The following COL14A1 variants were observed in gnomAD, a reference collection of about 807,000 sequenced individuals.
COL14A1 encodes collagen alpha-1(XIV) chain.
In COL14A1, 136 loss-of-function variants were observed where a neutral mutation model predicts 230.3. The observed-to-expected ratio is 0.59, with a 90% confidence interval of 0.51 to 0.68. The LOEUF (loss-of-function observed/expected upper bound fraction) is 0.68. Among genes scored for constraint, COL14A1 ranks in the 30% least tolerant of loss-of-function variants. COL14A1 has a pLI of 0.00. For synonymous variants in COL14A1, 792 were observed against 784.1 expected, an observed-to-expected ratio of 1.01 and a Z score of -0.17; for missense variants, 1,976 against 2,215.8, an observed-to-expected ratio of 0.89 and a Z score of 2.17.
At chr8:120,136,246 T>C (rs937433285) in intron 1 of COL14A1, among the ~76,000 whole-genome samples, 1 of 152,186 alleles carries the variant, frequency 6.6e-6, no homozygotes, top group Non-Finnish European at 1.5e-5. Context: ...GGAGTTTTCA[T>C]TGATGCCCTT....
intron 1 of COL14A1, among the ~76,000 whole-genome samples, chr8:120,126,182 G>A (rs1350256828): frequency 1.3e-5 from 2 of 152,214 alleles, no homozygotes; most frequent in South Asian, 2.1e-4. Flanking sequence ...GGGCGGATAG[G>A]CATCCGGGGC....
chr8:120,193,882 C>T (rs1408841738), intron 5 of COL14A1, among the ~76,000 whole-genome samples: 3 of 152,258 alleles, frequency 2.0e-5, no homozygotes, highest in African/African-American at 4.8e-5. Context: ...CCTGTAGCAC[C>T]GTTTTTTAAG....
intron 23 of COL14A1, among the ~76,000 whole-genome samples, chr8:120,261,141 G>T (rs1171645825): frequency 6.6e-6 from 1 of 152,154 alleles, no homozygotes; most frequent in Non-Finnish European, 1.5e-5. Context: ...TGTTTGAAGT[G>T]ATGGATATTC....
chr8:120,205,389 C>T (rs1309343193), intron 9 of COL14A1, among the ~76,000 whole-genome samples: 2 of 152,092 alleles, frequency 1.3e-5, no homozygotes, highest in Non-Finnish European at 2.9e-5. Context: ...TCTTCTTATG[C>T]TTGTCTTTGA....
intron 4 of COL14A1, among the ~76,000 whole-genome samples, chr8:120,164,934 G>A (rs889190531): frequency 2.6e-5 from 4 of 152,200 alleles, no homozygotes; most frequent in South Asian, 2.1e-4. Flanking sequence ...GAAACACAGA[G>A]AGTCATATAA....
At chr8:120,312,822 C>T (rs1180261524) in intron 37 of COL14A1, among the ~76,000 whole-genome samples, 1 of 152,114 alleles carries the variant, frequency 6.6e-6, no homozygotes, top group East Asian at 1.9e-4. Flanking sequence ...ATTCTTTGTC[C>T]CATGTAACGT....
rs73705069 is a variant in COL14A1 at position 120,354,471 on chromosome 8, A to G, written c.5077+8908A>G. ...CCCATCTTTGTCAGAGAAATGGCAA[A>G]GAATATGCATTTTTAGAGAGCAGAA... On this transcript the variant is annotated intron_variant, in intron 45 of 47. Transcript: ENST00000297848. Among the ~76,000 whole-genome samples the G allele has an allele frequency of 5.1e-3, 774 of 152,128 alleles. 5 individuals carry two copies. Among genetic ancestry groups the G allele is most frequent in the African/African-American group, 0.018 (734 of 41,506 alleles).
At chr8:120,244,944 C>T (rs1447713592) in intron 20 of COL14A1, among the ~76,000 whole-genome samples, 2 of 152,162 alleles carry the variant, frequency 1.3e-5, no homozygotes, top group African/African-American at 4.8e-5. Context: ...CAACCTACCA[C>T]CTGGATCCTG....
At chr8:120,133,013 C>A (rs74677971) in intron 1 of COL14A1, among the ~76,000 whole-genome samples, 1 of 152,016 alleles carries the variant, frequency 6.6e-6, no homozygotes, top group South Asian at 2.1e-4. Flanking sequence ...GTCAGGAGAT[C>A]GAGACCATCC....
At chr8:120,323,755 T>C (rs1821552495) in intron 40 of COL14A1, among the ~76,000 whole-genome samples, 1 of 152,196 alleles carries the variant, frequency 6.6e-6, no homozygotes, top group African/African-American at 2.4e-5. Context: ...CTGAGTTCTC[T>C]CTTCTGCTCC....
intron 43 of COL14A1, 134 bp downstream of exon 43, chr8:120,341,494 CCAATT>C: frequency 1.0e-6 from 1 of 983,834 alleles, no homozygotes; most frequent in South Asian, 1.7e-5. Flanking sequence ...CTCCCTTTCC[CCAATT>C]CATTAGACTG....
chr8:120,334,349 T>C (rs1306997037), intron 42 of COL14A1, among the ~76,000 whole-genome samples: 1 of 150,744 alleles, frequency 6.6e-6, no homozygotes, highest in Non-Finnish European at 1.5e-5. Flanking sequence ...GTAATCACTT[T>C]ATACAGCTGT....
At chr8:120,257,695 G>T (rs770398108) in intron 23 of COL14A1, among the ~76,000 whole-genome samples, 11 of 152,052 alleles carry the variant, frequency 7.2e-5, no homozygotes, top group African/African-American at 2.7e-4. Flanking sequence ...CTACATATGC[G>T]GTCTCTGCAG....
chr8:120,155,658 A>G (rs1018604391), intron 2 of COL14A1, among the ~76,000 whole-genome samples: 4 of 152,174 alleles, frequency 2.6e-5, no homozygotes, highest in Admixed American at 1.3e-4. Context: ...TTCTTTCAGC[A>G]GCTCATTCAT....
At chr8:120,328,491 C>T (rs1303611394) in intron 40 of COL14A1, among the ~76,000 whole-genome samples, 1 of 151,980 alleles carries the variant, frequency 6.6e-6, no homozygotes, top group Non-Finnish European at 1.5e-5. Flanking sequence ...CTCAGCCTCC[C>T]AACATGCTGG....
intron 5 of COL14A1, among the ~76,000 whole-genome samples, chr8:120,187,840 C>T (rs751777757): frequency 5.2e-4 from 79 of 152,158 alleles, no homozygotes; most frequent in Non-Finnish European, 7.2e-4. Flanking sequence ...TCTAGATTTA[C>T]GTAACATAGA....
Position 120,212,493 on chromosome 8 carries a change from T to C in COL14A1, c.1513T>C (p.Leu505=). The change falls in exon 13 of 48, where the codon TTG becomes CTG. Residue 505 remains leucine, a synonymous_variant. Coordinates refer to ENST00000297848, the MANE Select transcript of COL14A1 (RefSeq NM_021110.4). ...THTDIELSGL[L]PNTEYTVTVY... ...CACAGATATTGAATTGAGTGGGTTGTTGCCCAATACAGAATACACAGTCAC... is the reference window on the plus strand; with the variant it reads ...CACAGATATTGAATTGAGTGGGTTGCTGCCCAATACAGAATACACAGTCAC... 6.2e-7 allele frequency: 1 copy of C among 1,613,504 alleles called. No homozygotes were observed. Among genetic ancestry groups the C allele is most frequent in the East Asian group, 2.2e-5 (1 of 44,854 alleles).
intron 41 of COL14A1, among the ~76,000 whole-genome samples, 185 bp from the exon 42 acceptor site, chr8:120,332,479 T>C (rs1433028020): frequency 6.6e-6 from 1 of 152,096 alleles, no homozygotes; most frequent in Non-Finnish European, 1.5e-5. Flanking sequence ...ACCTGATATA[T>C]AGTGAGGAGA....
intron 47 of COL14A1, chr8:120,370,502 C>T: frequency 6.7e-7 from 1 of 1,495,800 alleles, no homozygotes; most frequent in Non-Finnish European, 8.9e-7. Flanking sequence ...TCTTCTGCAT[C>T]CCTGCCTTCC....
Sources: allele counts gnomAD v4.1 joint callset (sites outside exome capture counted in the v4.1 genomes callset), GRCh38; gene constraint gnomAD v4.1.1; transcripts MANE v1.5; gene names NCBI Gene and HGNC (gene_info 2026-07-23, HGNC 2026-07-21).